The following PIGT variants were observed in gnomAD, a reference collection of about 807,000 sequenced individuals.
The protein encoded by PIGT is phosphatidylinositol glycan anchor biosynthesis class T.
In PIGT, 57 loss-of-function variants were observed where a neutral mutation model predicts 66.7. That is an observed-to-expected ratio of 0.86 (90% CI 0.69 to 1.07). The LOEUF (loss-of-function observed/expected upper bound fraction) is 1.07. Ranked by LOEUF, PIGT falls within the 50% of genes least tolerant of loss-of-function variation. The pLI is 0.00. For missense variants in PIGT, 725 were observed against 740.4 expected (o/e 0.98, Z 0.24); for synonymous variants, 362 against 320.5 (o/e 1.13, Z -1.38).
rs1259141898 is a variant in PIGT, at chr20:45,424,206, A to G, written c.1235-10A>G. On this transcript the variant is annotated splice_polypyrimidine_tract_variant and intron_variant, in intron 9 of 11. Coordinates refer to ENST00000279036, the MANE Select transcript of PIGT (RefSeq NM_015937.6). ...AGGAAAGAGATGTGGGTGACCTTGC[A>G]TGTCTCCAGGTTACATCCACTACCA... is the stretch of plus-strand genomic sequence containing the variant. 2 of 1,613,698 alleles carry G rather than the reference A, an allele frequency of 1.2e-6. No individual in the cohort carries two copies. The highest frequency in any genetic ancestry group is 1.3e-5 in the African/African-American group (1 of 74,904).
intron 9 of PIGT, chr20:45,421,839 C>A: frequency 2.4e-6 from 1 of 420,332 alleles, no homozygotes; most frequent in Non-Finnish European, 4.3e-6. Flanking sequence ...ACAGTAGCTT[C>A]CTTTTTCACT....
In PIGT at chr20:45,419,542, C is replaced by G; in HGVS notation, c.633C>G (p.Phe211Leu). The G allele has an allele frequency of 6.2e-7, 1 of 1,614,190 alleles. No homozygotes were observed. Reference protein sequence around the residue: ...LSVLLKADRLFHTSYHSQAVH... With the variant: ...LSVLLKADRLLHTSYHSQAVH... ...TGCTGCTGAAGGCAGATCGCTTGTT[C>G]CACACCAGCTACCACTCCCAGGCAG... The change falls in exon 5 of 12, where the codon TTC becomes TTG. Residue 211 changes from phenylalanine to leucine, a missense_variant. Transcript: ENST00000279036.
intron 9 of PIGT, 52 bp from the exon 10 acceptor site, chr20:45,424,164 G>A (rs1990562801): frequency 3.9e-6 from 6 of 1,554,246 alleles, no homozygotes; most frequent in Non-Finnish European, 5.3e-6. Flanking sequence ...GACAGGGGCA[G>A]CAGGTAGCCT....
At chr20:45,420,264 G>A (rs1196279822) in intron 6 of PIGT, 41 bp downstream of exon 6, 1 of 1,595,744 alleles carries the variant, frequency 6.3e-7, no homozygotes, top group East Asian at 2.2e-5. Flanking sequence ...ACCCATGCCA[G>A]CCCTGCCTTA....
chr20:45,425,668 A>C lies in PIGT; in HGVS notation c.1579A>C (p.Asn527His), dbSNP rs199800874. 69 of 1,614,086 alleles carry C rather than the reference A, an allele frequency of 4.3e-5. No homozygotes were observed. The East Asian group carries it at 1.5e-3, about 34-fold the overall frequency. ...GACACCGGACTTCAGCATGCCCTAC[A>C]ACGTGATCTGCCTCACGTGCACTGT... ...LPTPDFSMPY[N>H]VICLTCTVVA... Residue 527 changes from asparagine (N) to histidine (H), a missense_variant, in exon 12 of 12, where the codon AAC becomes CAC. This residue lies in a region of PIGT where 162 missense variants were observed against 171.1 expected (regional missense o/e 0.95). Transcript: ENST00000279036.
At chr20:45,418,486 A>G (rs929667926) in intron 2 of PIGT, 5 of 338,474 alleles carry the variant, frequency 1.5e-5, no homozygotes, top group Non-Finnish European at 2.9e-5. Context: ...CCGTGACTGC[A>G]CAGAGGAGAC....
At chr20:45,417,882 G>C (rs988606481) in intron 2 of PIGT, 2 of 152,116 alleles carry the variant, frequency 1.3e-5, no homozygotes, top group African/African-American at 4.8e-5. Context: ...TAAGGAATAA[G>C]GAATAAGCAG....
chr20:45,425,153 TTCTTTC>T lies in PIGT; in HGVS notation c.1485-419_1485-414del, dbSNP rs766370634. 591 of 82,196 alleles carry T rather than the reference TTCTTTC, an allele frequency of 7.2e-3. 8 individuals are homozygous for T. Among genetic ancestry groups the T allele is most frequent in the African/African-American group, 0.013 (280 of 20,878 alleles). 5.1% of individuals were successfully genotyped at this position (82,196 alleles called of 1,614,324 possible). ...TCTTTCTTTCTTTCTCTTTCTTTCT[TTCTTTC>T]TTTCTTTCTTTCTTTCTTTCTTTCT... On this transcript the variant is annotated intron_variant, in intron 11 of 11. Coordinates refer to ENST00000279036, the MANE Select transcript of PIGT (RefSeq NM_015937.6).
Position 45,416,513 on chromosome 20 carries a change from C to T in PIGT, c.188-4C>T, listed in dbSNP as rs745524373. The stretch of plus-strand genomic sequence containing the variant: ...TCGTCACTCACCTGCTCCCGTTTCC[C>T]CAGTGTCCCATTACAGGCTCTTTCC... On this transcript the variant is annotated splice_region_variant and splice_polypyrimidine_tract_variant and intron_variant, in intron 1 of 11. Coordinates refer to ENST00000279036, the MANE Select transcript of PIGT (RefSeq NM_015937.6). 5 of 1,613,468 alleles carry T rather than the reference C, an allele frequency of 3.1e-6. No individual in the cohort carries two copies. The highest frequency in any genetic ancestry group is 1.7e-5 in the Admixed American group (1 of 59,954).
chr20:45,422,946 C>G (rs1007201207), intron 9 of PIGT: 13 of 151,984 alleles, frequency 8.6e-5, no homozygotes, highest in African/African-American at 3.1e-4. Context: ...GTGGTGCACA[C>G]CTGTAATCTC....
intron 8 of PIGT, chr20:45,420,900 G>C: frequency 3.3e-6 from 2 of 600,892 alleles, no homozygotes; most frequent in Non-Finnish European, 6.0e-6. Context: ...GAAAAATAGA[G>C]TATACTTAGC....
chr20:45,419,038 C>T, intron 3 of PIGT, 59 bp downstream of exon 3: 1 of 1,604,712 alleles, frequency 6.2e-7, no homozygotes, highest in Non-Finnish European at 8.5e-7. Context: ...AAACCTTTGC[C>T]TCCTTTTCCC....
rs1196652705 is a variant in PIGT, at chr20:45,420,827, C to CT, written c.1033+135dup. 7 of 865,400 alleles carry CT rather than the reference C, an allele frequency of 8.1e-6. No homozygotes were observed. The East Asian group carries it at 1.5e-4, about 19-fold the overall frequency. 53.6% of individuals were successfully genotyped at this position (865,400 alleles called of 1,614,324 possible). On this transcript the variant is annotated intron_variant, in intron 8 of 11. Transcript: ENST00000279036. ...CAGAGTCATATGCTGCTGACTGTAGCTATTCCAAGCTCTACGATTTTGGGT... is the reference window on the plus strand; with the variant it reads ...CAGAGTCATATGCTGCTGACTGTAGCTTATTCCAAGCTCTACGATTTTGGGT...
chr20:45,420,640 A>G lies in PIGT; in HGVS notation c.980A>G (p.Asn327Ser). 2 of 1,613,908 alleles carry G rather than the reference A, an allele frequency of 1.2e-6. No individual in the cohort carries two copies. The highest frequency in any genetic ancestry group is 1.7e-6 in the Non-Finnish European group (2 of 1,180,008). The change falls in exon 8 of 12, where the codon AAC becomes AGC. Residue 327 changes from asparagine (N) to serine (S), a missense_variant. By Grantham distance (46) the Asn-to-Ser change is conservative (BLOSUM62 1). This residue lies in a region of PIGT where 559 missense variants were observed against 552.7 expected (regional missense o/e 1.01). Transcript: ENST00000279036. ...IYDLLDTAMINNSRNLNIQLK... is the reference protein window; with the variant it reads ...IYDLLDTAMISNSRNLNIQLK... ...GACTTGCTTGACACCGCCATGATCAACAACTCTCGAAACCTCAACATCCAG... is the reference window on the plus strand; with the variant it reads ...GACTTGCTTGACACCGCCATGATCAGCAACTCTCGAAACCTCAACATCCAG...
chr20:45,424,113 C>T, intron 9 of PIGT, 103 bp from the exon 10 acceptor site: 1 of 1,078,430 alleles, frequency 9.3e-7, no homozygotes, highest in South Asian at 1.4e-5. Context: ...CCAAGCCCAT[C>T]TTCTAGGCAC....
intron 8 of PIGT, 84 bp from the exon 9 acceptor site, chr20:45,421,299 G>T: frequency 8.2e-7 from 1 of 1,218,744 alleles, no homozygotes; most frequent in South Asian, 1.5e-5. Flanking sequence ...ACTGGCTTGG[G>T]ACTCTGAACA....
In PIGT at chr20:45,419,331, C is replaced by T. The variant is rs781247130; in HGVS notation, c.530C>T (p.Pro177Leu). ...TACTTTCTGCGCTATGCTGTGCTGC[C>T]GCGGGAGGTGGTCTGCACCGAAAAC... is the stretch of plus-strand genomic sequence containing the variant. Reference protein sequence around the residue: ...DHYFLRYAVLPREVVCTENLT... With the variant: ...DHYFLRYAVLLREVVCTENLT... Residue 177 changes from proline to leucine, a missense_variant, in exon 4 of 12, where the codon CCG becomes CTG. Physicochemically the swap from Pro to Leu is moderately conservative, Grantham distance 98. Around this residue, in one of 3 missense-constraint regions of PIGT, gnomAD observed 559 missense variants for 552.7 expected, o/e 1.01. Transcript: ENST00000279036. The T allele has an allele frequency of 6.8e-6, 11 of 1,614,136 alleles. No homozygotes were observed. The highest frequency in any genetic ancestry group is 4.5e-5 in the East Asian group (2 of 44,882).
In PIGT at chr20:45,420,585, C is replaced by G. The variant is rs368878253; in HGVS notation, c.925C>G (p.Leu309Val). The G allele has an allele frequency of 2.0e-5, 32 of 1,613,726 alleles. No homozygotes were observed. The highest frequency in any genetic ancestry group is 2.5e-5 in the Non-Finnish European group (29 of 1,179,994). ...PPTTTYQDVILGTRKTYAIYD... is the reference protein window; with the variant it reads ...PPTTTYQDVIVGTRKTYAIYD... ...GACCACTACATATCAGGACGTCATC[C>G]TAGGCACTCGGAAGACCTATGCCAT... Residue 309 changes from leucine to valine, a missense_variant, in exon 8 of 12, where the codon CTA (leucine) becomes GTA (valine). Physicochemically the swap from Leu to Val is conservative, Grantham distance 32 (BLOSUM62 1). Coordinates refer to ENST00000279036, the MANE Select transcript of PIGT (RefSeq NM_015937.6).
At chr20:45,420,464 C>A (rs564603899) in intron 7 of PIGT, 35 bp downstream of exon 7, 1 of 1,606,302 alleles carries the variant, frequency 6.2e-7, no homozygotes, top group Admixed American at 1.7e-5. Flanking sequence ...ACAAACACAC[C>A]GCTGGTCCCC....
Sources: allele counts gnomAD v4.1 joint callset, GRCh38; gene constraint gnomAD v4.1.1; regional missense constraint gnomAD v4.1.1; transcripts MANE v1.5; gene names NCBI Gene and HGNC (gene_info 2026-07-23, HGNC 2026-07-21).